SH3RF1: variants seen among roughly 807,000 people sequenced by gnomAD.
The protein encoded by SH3RF1 is SH3 domain containing ring finger 1, also known as E3 ubiquitin-protein ligase SH3RF1.
A neutral mutation model predicts 74.0 loss-of-function variants in SH3RF1; 32 were observed. The ratio of observed to expected loss-of-function variants is 0.43; its 90% CI spans 0.33 to 0.58. SH3RF1 has a LOEUF of 0.58. Among genes scored for constraint, SH3RF1 ranks in the 20% least tolerant of loss-of-function variants. The pLI is 0.05. For missense variants in SH3RF1, 954 were observed against 1,130.9 expected (o/e 0.84, Z 2.24); for synonymous variants, 396 against 439.6 (o/e 0.90, Z 1.24).
intron 2 of SH3RF1, among the ~76,000 whole-genome samples, chr4:169,240,673 C>T (rs960626600): frequency 6.6e-6 from 1 of 152,134 alleles, no homozygotes; most frequent in African/African-American, 2.4e-5. Context: ...AGTTCATTAA[C>T]ATATTCATCA....
intron 4 of SH3RF1, 71 bp from the exon 5 acceptor site, chr4:169,136,691 C>T: frequency 4.2e-6 from 6 of 1,425,576 alleles, no homozygotes; most frequent in Non-Finnish European, 5.6e-6. Context: ...GGTTTATTTC[C>T]AACATGATTT....
At chr4:169,199,819 TAAC>T (rs1292258642) in intron 2 of SH3RF1, among the ~76,000 whole-genome samples, 1 of 152,120 alleles carries the variant, frequency 6.6e-6, no homozygotes, top group Non-Finnish European at 1.5e-5. Flanking sequence ...AAGGTGACAG[TAAC>T]AACATCAAAC....
chr4:169,203,423 C>T (rs546345950), intron 2 of SH3RF1, among the ~76,000 whole-genome samples: 3 of 151,908 alleles, frequency 2.0e-5, no homozygotes, highest in South Asian at 4.2e-4. Flanking sequence ...CGGTGGTGTG[C>T]GCCTGTAATC....
At chr4:169,239,284 T>C (rs1462791834) in intron 2 of SH3RF1, among the ~76,000 whole-genome samples, 1 of 151,890 alleles carries the variant, frequency 6.6e-6, no homozygotes, top group Non-Finnish European at 1.5e-5. Flanking sequence ...ATATCTCTAT[T>C]AAAACATGAA....
intron 2 of SH3RF1, among the ~76,000 whole-genome samples, chr4:169,199,470 G>A (rs911355546): frequency 5.3e-5 from 8 of 152,118 alleles, no homozygotes; most frequent in African/African-American, 1.9e-4. Flanking sequence ...AAGTGAAAAG[G>A]GGCATGGATG....
chr4:169,249,559 G>C (rs918029859), intron 2 of SH3RF1, among the ~76,000 whole-genome samples: 4 of 152,236 alleles, frequency 2.6e-5, no homozygotes, highest in Non-Finnish European at 5.9e-5. Flanking sequence ...CTCCACTGGA[G>C]ATATAAGGGT....
chr4:169,270,589 C>T (rs774292615), intron 1 of SH3RF1, among the ~76,000 whole-genome samples: 2 of 152,200 alleles, frequency 1.3e-5, no homozygotes, highest in Non-Finnish European at 2.9e-5. Flanking sequence ...CCAGAGAGAC[C>T]GCGCCATCCG....
chr4:169,156,478 G>A lies in SH3RF1; in HGVS notation c.595C>T (p.Pro199Ser). 1 of 1,613,884 alleles carries A rather than the reference G, an allele frequency of 6.2e-7. No homozygotes were observed. The highest frequency in any genetic ancestry group is 8.5e-7 in the Non-Finnish European group (1 of 1,179,808). ...QIIKPLPQPP[P>S]QCKALYDFEV... The stretch of plus-strand genomic sequence containing the variant: ...AAGTCATAAAGTGCTTTGCACTGAG[G>A]TGGGGGCTGAGGTAACGGTTTAATA... The change falls in exon 3 of 12, where the codon CCT becomes TCT. Residue 199 changes from proline to serine, a missense_variant. This residue lies in a region of SH3RF1 where 854 missense variants were observed against 962.5 expected (regional missense o/e 0.89). Coordinates refer to ENST00000284637, the MANE Select transcript of SH3RF1 (RefSeq NM_020870.4).
At position 169,176,634 on chromosome 4, in the gene SH3RF1, A is replaced by G. The variant is rs921298372; in HGVS notation, c.394-19955T>C. ...TGGCTCACTGCAACCTCAGTTTCCCACGTTCAAGCGATTCTCCTGCCTCAG... is the reference window on the plus strand; with the variant it reads ...TGGCTCACTGCAACCTCAGTTTCCCGCGTTCAAGCGATTCTCCTGCCTCAG... On this transcript the variant is annotated intron_variant, in intron 2 of 11. Transcript: ENST00000284637. 7.9e-5 allele frequency among the ~76,000 whole-genome samples: 12 copies of G among 152,088 alleles called. No individual in the cohort carries two copies. The East Asian group carries it at 2.1e-3, about 27-fold the overall frequency.
chr4:169,192,782 C>T (rs868696236), intron 2 of SH3RF1, among the ~76,000 whole-genome samples: 9 of 147,276 alleles, frequency 6.1e-5, no homozygotes, highest in African/African-American at 1.8e-4. Flanking sequence ...TATATATATA[C>T]ATATATGTTT....
At chr4:169,155,654 TAA>T in intron 3 of SH3RF1, 79 bp from the exon 4 acceptor site, 1 of 1,018,182 alleles carries the variant, frequency 9.8e-7, no homozygotes, top group Non-Finnish European at 1.5e-6. Context: ...TCCTTTTCAA[TAA>T]AGAGACTCAT....
intron 5 of SH3RF1, among the ~76,000 whole-genome samples, chr4:169,130,756 T>A (rs1223902080): frequency 6.6e-6 from 1 of 152,236 alleles, no homozygotes. Flanking sequence ...CAAAGGTGTC[T>A]TATCCATGAT....
chr4:169,233,109 C>T (rs1248583707), intron 2 of SH3RF1, among the ~76,000 whole-genome samples: 1 of 151,886 alleles, frequency 6.6e-6, no homozygotes, highest in Non-Finnish European at 1.5e-5. Flanking sequence ...ATCAGCCAGG[C>T]GTGGTGGCAG....
At chr4:169,207,636 C>T (rs921709372) in intron 2 of SH3RF1, among the ~76,000 whole-genome samples, 1 of 152,216 alleles carries the variant, frequency 6.6e-6, no homozygotes, top group African/African-American at 2.4e-5. Flanking sequence ...TGGTCTTTCT[C>T]ATTCTTGAGG....
intron 2 of SH3RF1, among the ~76,000 whole-genome samples, chr4:169,207,454 T>C (rs1393776401): frequency 1.3e-5 from 2 of 152,144 alleles, no homozygotes; most frequent in Non-Finnish European, 2.9e-5. Flanking sequence ...TAAAGAGAAA[T>C]GAGATCTAAT....
intron 4 of SH3RF1, among the ~76,000 whole-genome samples, chr4:169,148,466 A>G (rs551091714): frequency 6.6e-6 from 1 of 152,370 alleles, no homozygotes; most frequent in Non-Finnish European, 1.5e-5. Context: ...AGCATAAGGA[A>G]AAAGAATGGA....
At chr4:169,218,255 TATATATAATATAGAATATAA>T in intron 2 of SH3RF1, among the ~76,000 whole-genome samples, 1 of 142,740 alleles carries the variant, frequency 7.0e-6, no homozygotes, top group Non-Finnish European at 1.5e-5. Context: ...AGAATATGTT[TATATATAATATAGAATATAA>T]ATATATAATA....
At chr4:169,193,593 G>A (rs559499460) in intron 2 of SH3RF1, among the ~76,000 whole-genome samples, 17 of 149,062 alleles carry the variant, frequency 1.1e-4, no homozygotes, top group African/African-American at 2.1e-4. Flanking sequence ...CATTTACCCC[G>A]TTACTAAGGA....
intron 5 of SH3RF1, among the ~76,000 whole-genome samples, chr4:169,135,271 C>T (rs1218159685): frequency 6.6e-6 from 1 of 152,144 alleles, no homozygotes; most frequent in Non-Finnish European, 1.5e-5. Context: ...AAAATAGGCA[C>T]TTACTAGAAT....
Sources: allele counts gnomAD v4.1 joint callset (sites outside exome capture counted in the v4.1 genomes callset), GRCh38; gene constraint gnomAD v4.1.1; regional missense constraint gnomAD v4.1.1; transcripts MANE v1.5; gene names NCBI Gene and HGNC (gene_info 2026-07-23, HGNC 2026-07-21).